RBMS1: variants seen among roughly 807,000 people sequenced by gnomAD.
RBMS1 encodes the protein RNA binding motif single stranded interacting protein 1.
A neutral mutation model predicts 62.3 loss-of-function variants in RBMS1; 17 were observed. That is an observed-to-expected ratio of 0.27 (90% confidence interval 0.19 to 0.41). RBMS1 has a LOEUF of 0.41. Among genes scored for constraint, RBMS1 ranks in the 10% least tolerant of loss-of-function variants. The probability of loss-of-function intolerance (pLI) is 1.00; values close to 1 mark genes in which losing one functional copy is unlikely to be tolerated. For synonymous variants in RBMS1, 172 were observed against 170.0 expected, an observed-to-expected ratio of 1.01 and a Z score of -0.09; for missense variants, 334 against 504.5, an observed-to-expected ratio of 0.66 and a Z score of 3.24.
intron 1 of RBMS1, among the ~76,000 whole-genome samples, chr2:160,372,401 C>T (rs544340003): frequency 3.3e-5 from 5 of 152,312 alleles, no homozygotes; most frequent in South Asian, 2.1e-4. Flanking sequence ...TGGTTTAATA[C>T]ATCAACTATT....
At chr2:160,463,127 G>A (rs759202124) in intron 1 of RBMS1, among the ~76,000 whole-genome samples, 1 of 152,112 alleles carries the variant, frequency 6.6e-6, no homozygotes, top group South Asian at 2.1e-4. Context: ...TTAGCCAGAT[G>A]CTTTTTCTTA....
chr2:160,493,627 G>A lies in RBMS1; in HGVS notation c.-264C>T. On this transcript the variant is annotated 5_prime_UTR_variant, in exon 1 of 14. Transcript: ENST00000348849. The stretch of plus-strand genomic sequence containing the variant: ...AAGAAAGACACTGCAGAGCGCAGAG[G>A]GCACCCCGGACAGGGCGCTCCCAAG... 1 of 551,062 alleles carries A rather than the reference G, an allele frequency of 1.8e-6. No individual in the cohort carries two copies. Among genetic ancestry groups the A allele is most frequent in the Admixed American group, 3.1e-5 (1 of 32,138 alleles). The allele number at this position is 551,062 out of a possible 1,614,324, so 34.1% of individuals were successfully genotyped here. A position where few individuals can be genotyped will look rare whatever the true frequency, so the allele number is the denominator to read the frequency against.
At chr2:160,286,277 GC>G (rs1226831644) in intron 7 of RBMS1, among the ~76,000 whole-genome samples, 3 of 143,496 alleles carry the variant, frequency 2.1e-5, no homozygotes, top group African/African-American at 7.7e-5. Flanking sequence ...TCCAGCCTGG[GC>G]AACAGAGACC....
intron 4 of RBMS1, among the ~76,000 whole-genome samples, chr2:160,308,057 A>T (rs985926094): frequency 1.3e-5 from 2 of 152,180 alleles, no homozygotes; most frequent in African/African-American, 2.4e-5. Context: ...AGGAGAGTGG[A>T]AAGTGACGGG....
intron 2 of RBMS1, among the ~76,000 whole-genome samples, chr2:160,341,173 A>G (rs763888646): frequency 1.6e-4 from 24 of 152,200 alleles, no homozygotes; most frequent in Non-Finnish European, 2.6e-4. Context: ...ACTTAATCAT[A>G]TAATGAAAAT....
chr2:160,407,636 G>T (rs1695822001), intron 1 of RBMS1: 10 of 981,936 alleles, frequency 1.0e-5, no homozygotes, highest in Non-Finnish European at 1.2e-5. Flanking sequence ...CCGGGGCCGC[G>T]GCAGCTCTGG....
At chr2:160,350,027 G>C (rs1692408472) in intron 2 of RBMS1, among the ~76,000 whole-genome samples, 1 of 152,038 alleles carries the variant, frequency 6.6e-6, no homozygotes, top group Admixed American at 6.6e-5. Flanking sequence ...AAGGCACGTG[G>C]AAGGCCTGGT....
At chr2:160,329,789 T>C (rs1175899446) in intron 2 of RBMS1, among the ~76,000 whole-genome samples, 2 of 151,878 alleles carry the variant, frequency 1.3e-5, no homozygotes, top group African/African-American at 4.8e-5. Context: ...GCTTCTTATC[T>C]ATATGATTGT....
intron 7 of RBMS1, among the ~76,000 whole-genome samples, chr2:160,286,281 C>G (rs1270212231): frequency 2.8e-5 from 4 of 141,928 alleles, no homozygotes; most frequent in Non-Finnish European, 6.2e-5. Context: ...GCCTGGGCAA[C>G]AGAGACCATG....
At chr2:160,374,726 T>C (rs1005660296) in intron 1 of RBMS1, among the ~76,000 whole-genome samples, 1 of 152,100 alleles carries the variant, frequency 6.6e-6, no homozygotes, top group African/African-American at 2.4e-5. Context: ...GGTCGGGAGT[T>C]CGAGACCAGC....
intron 1 of RBMS1, among the ~76,000 whole-genome samples, chr2:160,443,211 C>CA (rs67505228): frequency 0.04 from 5,317 of 132,748 alleles, 151 homozygotes; most frequent in African/African-American, 0.083. Flanking sequence ...CTTAAGAAAA[C>CA]AAAAAAAAAA....
chr2:160,294,215 T>A (rs1688821503), intron 6 of RBMS1, among the ~76,000 whole-genome samples: 1 of 152,196 alleles, frequency 6.6e-6, no homozygotes, highest in African/African-American at 2.4e-5. Context: ...AACTATAATA[T>A]ACATTTAAAG....
chr2:160,484,461 C>T lies in RBMS1; in HGVS notation c.75+8828G>A, dbSNP rs533449423. Among the ~76,000 whole-genome samples the T allele has an allele frequency of 2.0e-5, 3 of 151,220 alleles. No homozygotes were observed. In the East Asian group the frequency reaches 5.9e-4, roughly 30 times the overall value. On this transcript the variant is annotated intron_variant, in intron 1 of 13. Transcript: ENST00000348849. ...AGTGAGCCGAGATCGCGCCACTGCA[C>T]TCCAGCCTGGGCGACAGAGCGAGCG...
At chr2:160,373,325 C>G (rs1693831259) in intron 1 of RBMS1, among the ~76,000 whole-genome samples, 1 of 152,214 alleles carries the variant, frequency 6.6e-6, no homozygotes, top group African/African-American at 2.4e-5. Flanking sequence ...AATAAACCAT[C>G]ATTTTCTTAT....
intron 1 of RBMS1, among the ~76,000 whole-genome samples, chr2:160,428,417 C>A (rs938707134): frequency 6.6e-6 from 1 of 152,074 alleles, no homozygotes; most frequent in African/African-American, 2.4e-5. Flanking sequence ...GTAGTGAAAT[C>A]TTGCTATTTC....
chr2:160,320,609 C>G (rs955328134), intron 2 of RBMS1, among the ~76,000 whole-genome samples: 1 of 152,024 alleles, frequency 6.6e-6, no homozygotes. Flanking sequence ...CTGGTGAGAA[C>G]TGGTTGTGCA....
intron 6 of RBMS1, among the ~76,000 whole-genome samples, chr2:160,300,341 T>C (rs1305155317): frequency 1.3e-5 from 2 of 152,148 alleles, no homozygotes; most frequent in Non-Finnish European, 2.9e-5. Context: ...TCAACGGATA[T>C]GATCAAATGA....
At chr2:160,492,834 G>A (rs190006692) in intron 1 of RBMS1, 1 of 155,214 alleles carries the variant, frequency 6.4e-6, no homozygotes, top group South Asian at 2.0e-4. Flanking sequence ...GGGCGTCCCT[G>A]GGGGGCGGGA....
intron 2 of RBMS1, among the ~76,000 whole-genome samples, chr2:160,328,821 CAT>C (rs113310064): frequency 7.9e-5 from 12 of 152,300 alleles, no homozygotes; most frequent in Admixed American, 4.6e-4. Context: ...CTTACACACA[CAT>C]ACACAACCAG....
Sources: allele counts gnomAD v4.1 joint callset (sites outside exome capture counted in the v4.1 genomes callset), GRCh38; gene constraint gnomAD v4.1.1; transcripts MANE v1.5; gene names NCBI Gene and HGNC (gene_info 2026-07-23, HGNC 2026-07-21).